Variants in HORMAD1 observed in about 807,000 individuals in gnomAD.
HORMAD1 encodes HORMA domain containing 1.
Under a neutral mutation model 58.2 loss-of-function variants are expected in HORMAD1, and 33 were observed. The observed-to-expected ratio is 0.57, with a 90% CI of 0.43 to 0.76. The LOEUF is 0.76. HORMAD1 is among the 30% of genes least tolerant of loss of function. The pLI is 0.00. For missense variants in HORMAD1, 363 were observed against 462.0 expected (o/e 0.79, Z 1.96); for synonymous variants, 137 against 144.6 (o/e 0.95, Z 0.38).
intron 10 of HORMAD1, among the ~76,000 whole-genome samples, chr1:150,705,965 T>C (rs1180506215): frequency 6.6e-6 from 1 of 152,146 alleles, no homozygotes; most frequent in Non-Finnish European, 1.5e-5. Flanking sequence ...TTGCTGGAAG[T>C]GAGGCAACAA....
chr1:150,710,150 C>A (rs918564905), intron 7 of HORMAD1, among the ~76,000 whole-genome samples: 3 of 152,142 alleles, frequency 2.0e-5, no homozygotes, highest in Non-Finnish European at 4.4e-5. Context: ...TATTTCTTTT[C>A]TCAGTCTCTC....
chr1:150,708,296 A>T lies in HORMAD1; in HGVS notation c.507T>A (p.Asn169Lys). The T allele has an allele frequency of 1.9e-6, 3 of 1,608,832 alleles. No homozygotes were observed. Among genetic ancestry groups the T allele is most frequent in the Non-Finnish European group, 2.5e-6 (3 of 1,177,816 alleles). ...ILMQNLGPLPNDVCLTMKLFY... is the reference protein window; with the variant it reads ...ILMQNLGPLPKDVCLTMKLFY... The stretch of plus-strand genomic sequence containing the variant: ...AAAGTTTCATGGTCAAACAAACATC[A>T]TTAGGTAAAGGCCCCAGATTTTGCA... Residue 169 changes from asparagine to lysine, a missense_variant, in exon 9 of 15, where the codon AAT becomes AAA. Coordinates refer to ENST00000361824, the MANE Select transcript of HORMAD1 (RefSeq NM_032132.5).
intron 14 of HORMAD1, among the ~76,000 whole-genome samples, chr1:150,699,528 AT>A (rs879621084): frequency 2.9e-3 from 408 of 141,874 alleles, no homozygotes; most frequent in Non-Finnish European, 3.0e-3. Context: ...CCTGGCACTG[AT>A]TTTTTTTTTT....
At chr1:150,714,587 TTC>T in intron 4 of HORMAD1, 26 bp downstream of exon 4, 1 of 1,236,964 alleles carries the variant, frequency 8.1e-7, no homozygotes, top group Non-Finnish European at 1.1e-6. Context: ...AAAAATAATT[TTC>T]TCTCTTTAGG....
intron 10 of HORMAD1, 125 bp downstream of exon 10, chr1:150,706,428 T>C: frequency 1.2e-6 from 1 of 864,284 alleles, no homozygotes; most frequent in Non-Finnish European, 1.8e-6. Context: ...AAGGTCCCTT[T>C]CAACCTTGAG....
chr1:150,708,288 C>T lies in HORMAD1; in HGVS notation c.515G>A (p.Cys172Tyr). Residue 172 changes from cysteine to tyrosine, a missense_variant, in exon 9 of 15, where the codon TGT becomes TAT. Cys to Tyr is a radical substitution (Grantham distance 194). Around this residue, in one of 3 missense-constraint regions of HORMAD1, gnomAD observed 226 missense variants for 257.8 expected, o/e 0.88. Transcript: ENST00000361824. ...ATAGTAAAAAAGTTTCATGGTCAAA[C>T]AAACATCATTAGGTAAAGGCCCCAG... ...QNLGPLPNDV[C>Y]LTMKLFYYDE... 2 of 1,604,304 alleles carry T rather than the reference C, an allele frequency of 1.2e-6. No individual in the cohort carries two copies. Among genetic ancestry groups the T allele is most frequent in the Non-Finnish European group, 1.7e-6 (2 of 1,175,754 alleles).
chr1:150,701,844 T>C lies in HORMAD1; in HGVS notation c.1032+1466A>G, dbSNP rs146851583. The C allele has an allele frequency of 1.4e-3, 217 of 152,296 alleles. 1 individual carries two copies. Among genetic ancestry groups the C allele is most frequent in the African/African-American group, 4.8e-3 (199 of 41,564 alleles). The allele number at this position is 152,296 out of a possible 1,614,324, so 9.4% of individuals were successfully genotyped here. A position where few individuals can be genotyped will look rare whatever the true frequency, so the allele number is the denominator to read the frequency against. ...TTGTAATGTCTTATTAACAAGATAC[T>C]CAATTTATAAGACTGAGCATGGTGC... On this transcript the variant is annotated intron_variant, in intron 13 of 14. Transcript: ENST00000361824.
intron 3 of HORMAD1, among the ~76,000 whole-genome samples, chr1:150,715,679 T>G (rs2101884687): frequency 6.6e-6 from 1 of 152,202 alleles, no homozygotes; most frequent in Admixed American, 6.5e-5. Context: ...TCCTCCTGCC[T>G]CAGCCTCCCA....
chr1:150,704,590 T>A (rs1651633997), intron 10 of HORMAD1, among the ~76,000 whole-genome samples: 1 of 151,802 alleles, frequency 6.6e-6, no homozygotes, highest in South Asian at 2.1e-4. Flanking sequence ...TATGAAAAAA[T>A]TTTAAAAATT....
At chr1:150,709,556 A>C (rs750973393) in intron 7 of HORMAD1, among the ~76,000 whole-genome samples, 2 of 152,238 alleles carry the variant, frequency 1.3e-5, no homozygotes, top group Non-Finnish European at 2.9e-5. Flanking sequence ...GTATTGTCCA[A>C]GGTTTCTCCC....
chr1:150,717,133 A>T lies in HORMAD1; in HGVS notation c.178+5T>A. ...AAGAAAGCTTTAAAATAAATATTGT[A>T]TTACCATCTAGATATCTTGTTCCAT... On this transcript the variant is annotated splice_donor_5th_base_variant and intron_variant, in intron 3 of 14. Transcript: ENST00000361824. The T allele has an allele frequency of 6.6e-7, 1 of 1,518,788 alleles. No individual in the cohort carries two copies. The highest frequency in any genetic ancestry group is 1.4e-5 in the African/African-American group (1 of 71,508). The allele number at this position is 1,518,788 out of a possible 1,614,324, so 94.1% of individuals were successfully genotyped here. A position where few individuals can be genotyped will look rare whatever the true frequency, so the allele number is the denominator to read the frequency against.
chr1:150,704,409 A>G (rs1651626473), intron 10 of HORMAD1, 66 bp from the exon 11 acceptor site: 2 of 1,011,062 alleles, frequency 2.0e-6, no homozygotes, highest in African/African-American at 3.3e-5. Context: ...CTGAGCAGAA[A>G]GCATTTATGA....
chr1:150,707,790 G>C (rs1471396419), intron 9 of HORMAD1, among the ~76,000 whole-genome samples: 5 of 152,118 alleles, frequency 3.3e-5, no homozygotes, highest in Non-Finnish European at 7.3e-5. Context: ...ACAAAAATTA[G>C]CCAGGCATGG....
Position 150,700,185 on chromosome 1 carries a change from T to C in HORMAD1, c.1033-2A>G. 1 of 1,534,978 alleles carries C rather than the reference T, an allele frequency of 6.5e-7. No homozygotes were observed. The highest frequency in any genetic ancestry group is 1.7e-5 in the Admixed American group (1 of 59,812). On this transcript the variant is annotated splice_acceptor_variant, in intron 13 of 14. Coordinates refer to ENST00000361824, the MANE Select transcript of HORMAD1 (RefSeq NM_032132.5). LOFTEE classifies it high-confidence loss of function. ...TTTTACTGGTTGATTTCCATTTGCC[T>C]CCACAAAGATAGAATAATTACTAAT...
At position 150,698,557 on chromosome 1, in the gene HORMAD1, C is replaced by A; in HGVS notation, c.*97G>T. On this transcript the variant is annotated 3_prime_UTR_variant, in exon 15 of 15. Coordinates refer to ENST00000361824, the MANE Select transcript of HORMAD1 (RefSeq NM_032132.5). ...GTTTTAGTGTACAAACTGCTTTAAA[C>A]TACATATACATCTTCAGAGTTAGGG... The A allele has an allele frequency of 3.4e-6, 2 of 596,642 alleles. No homozygotes were observed. Among genetic ancestry groups the A allele is most frequent in the Non-Finnish European group, 5.8e-6 (2 of 347,566 alleles). 37.0% of individuals were successfully genotyped at this position (596,642 alleles called of 1,614,324 possible). A position where few individuals can be genotyped will look rare whatever the true frequency, so the allele number is the denominator to read the frequency against.
intron 6 of HORMAD1, 128 bp from the exon 7 acceptor site, chr1:150,711,699 C>T (rs899903940): frequency 6.4e-6 from 6 of 941,008 alleles, no homozygotes; most frequent in Non-Finnish European, 1.0e-5. Flanking sequence ...CAAAATATTA[C>T]TTTTTCATTC....
At chr1:150,716,770 T>C (rs1652092533) in intron 3 of HORMAD1, among the ~76,000 whole-genome samples, 1 of 149,608 alleles carries the variant, frequency 6.7e-6, no homozygotes, top group South Asian at 2.1e-4. Context: ...GAGACCATCC[T>C]GGCTAACACG....
In HORMAD1 at chr1:150,717,508, A is replaced by ATT. The variant is rs140527786; in HGVS notation, c.34-228_34-227dup. Among the ~76,000 whole-genome samples the ATT allele has an allele frequency of 5.7e-3, 854 of 149,604 alleles. 1 individual carries two copies. The highest frequency in any genetic ancestry group is 7.4e-3 in the Non-Finnish European group (498 of 67,284). On this transcript the variant is annotated intron_variant, in intron 2 of 14. Transcript: ENST00000361824. Reference sequence around the variant, plus strand: ...GCAAAAAGTATCTAAAAATCTTTTAATTTTTTTTTTTTATTTTTAAAAAAA... The same window carrying ATT: ...GCAAAAAGTATCTAAAAATCTTTTAATTTTTTTTTTTTTTATTTTTAAAAAAA...
At chr1:150,712,760 T>C (rs1248588727) in intron 5 of HORMAD1, among the ~76,000 whole-genome samples, 1 of 152,210 alleles carries the variant, frequency 6.6e-6, no homozygotes, top group East Asian at 1.9e-4. Flanking sequence ...TTGGCCAGGC[T>C]GGTCTCAAAC....
Sources: allele counts gnomAD v4.1 joint callset (sites outside exome capture counted in the v4.1 genomes callset), GRCh38; gene constraint gnomAD v4.1.1; regional missense constraint gnomAD v4.1.1; transcripts MANE v1.5; gene names NCBI Gene and HGNC (gene_info 2026-07-23, HGNC 2026-07-21).